Variants in IL17RA observed in about 807,000 individuals in gnomAD.
IL17RA encodes the protein interleukin-17 receptor A.
IL17RA carries 34 observed loss-of-function variants against 50.4 expected under a neutral mutation model. That is an observed-to-expected ratio of 0.67 (90% CI 0.51 to 0.90). The LOEUF (loss-of-function observed/expected upper bound fraction) is 0.90. Ranked by LOEUF, IL17RA falls within the 40% of genes least tolerant of loss-of-function variation. IL17RA has a pLI of 0.00. For synonymous variants in IL17RA, 585 were observed against 510.4 expected (o/e 1.15, Z -1.97); for missense variants, 1,276 against 1,169.8 (o/e 1.09, Z -1.32).
chr22:17,103,684 G>A (rs1198267476), intron 8 of IL17RA, 107 bp downstream of exon 8: 1 of 890,686 alleles, frequency 1.1e-6, no homozygotes, highest in African/African-American at 1.7e-5. Context: ...GGACGGGAGT[G>A]GGGAGTGTGC....
rs1273082263 is a variant in IL17RA, at chr22:17,110,736, A to G, written c.*916A>G. 5 of 152,282 alleles carry G rather than the reference A, an allele frequency of 3.3e-5. No homozygotes were observed. The highest frequency in any genetic ancestry group is 1.2e-4 in the African/African-American group (5 of 41,412). The allele number at this position is 152,282 out of a possible 1,614,324, so 9.4% of individuals were successfully genotyped here. A position where few individuals can be genotyped will look rare whatever the true frequency, so the allele number is the denominator to read the frequency against. The stretch of plus-strand genomic sequence containing the variant: ...CAGCTACTCGGGAGGCTGATGCCAG[A>G]TGATCACTTGAGCCCAGGAGGTAGA... On this transcript the variant is annotated 3_prime_UTR_variant, in exon 13 of 13. Transcript: ENST00000319363.
At chr22:17,106,717 G>A (rs186616412) in intron 11 of IL17RA, among the ~76,000 whole-genome samples, 1 of 152,240 alleles carries the variant, frequency 6.6e-6, no homozygotes, top group East Asian at 1.9e-4. Flanking sequence ...TCAGGATTAG[G>A]TGTTAATCAT....
intron 1 of IL17RA, among the ~76,000 whole-genome samples, chr22:17,089,003 C>T (rs1407071361): frequency 6.6e-6 from 1 of 152,040 alleles, no homozygotes; most frequent in Admixed American, 6.6e-5. Flanking sequence ...ACCATGTTGG[C>T]CAGGCTGGTC....
chr22:17,100,212 A>C, intron 4 of IL17RA, 143 bp from the exon 5 acceptor site: 1 of 937,710 alleles, frequency 1.1e-6, no homozygotes. Flanking sequence ...GATTTCCCTG[A>C]CCTTGGATTT....
intron 4 of IL17RA, 49 bp from the exon 5 acceptor site, chr22:17,100,306 A>G (rs1322849223): frequency 6.2e-7 from 1 of 1,612,924 alleles, no homozygotes; most frequent in Non-Finnish European, 8.5e-7. Flanking sequence ...TAGATGGGTG[A>G]CAGAGGTGTG....
At chr22:17,092,039 G>C (rs566399931) in intron 1 of IL17RA, among the ~76,000 whole-genome samples, 1 of 152,188 alleles carries the variant, frequency 6.6e-6, no homozygotes, top group African/African-American at 2.4e-5. Flanking sequence ...GTTAGGATTA[G>C]AGGGCTGGGA....
At position 17,102,022 on chromosome 22, in the gene IL17RA, A is replaced by T. The variant is rs2061393282; in HGVS notation, c.577A>T (p.Thr193Ser). Residue 193 changes from threonine to serine, a missense_variant, in exon 6 of 13, where the codon ACC becomes TCC. By Grantham distance (58) the Thr-to-Ser change is moderately conservative. Transcript: ENST00000319363. ...CTGTGAGCACGCCAGGATGAAGGTAACCACGCCATGCATGAGCTCAGGTAA... is the reference window on the plus strand; with the variant it reads ...CTGTGAGCACGCCAGGATGAAGGTATCCACGCCATGCATGAGCTCAGGTAA... ...PDCEHARMKV[T>S]TPCMSSGSLW... The T allele has an allele frequency of 6.2e-7, 1 of 1,614,200 alleles. No individual in the cohort carries two copies. The highest frequency in any genetic ancestry group is 8.5e-7 in the Non-Finnish European group (1 of 1,180,028).
At position 17,101,602 on chromosome 22, in the gene IL17RA, C is replaced by T. The variant is rs1161949548; in HGVS notation, c.551-394C>T. The stretch of plus-strand genomic sequence containing the variant: ...GAGTGAATCTCCTCAGTTCTCGCTT[C>T]TGTTCCTAAAGTTGACTGACTCAGT... On this transcript the variant is annotated intron_variant, in intron 5 of 12. Transcript: ENST00000319363. 2.6e-5 allele frequency among the ~76,000 whole-genome samples: 4 copies of T among 152,350 alleles called. No homozygotes were observed. The South Asian group carries it at 6.2e-4, about 24-fold the overall frequency.
In IL17RA at chr22:17,109,371, T is replaced by G. The variant is rs376591791; in HGVS notation, c.2152T>G (p.Phe718Val). 5.1e-5 allele frequency: 82 copies of G among 1,610,660 alleles called. No individual in the cohort carries two copies. The highest frequency in any genetic ancestry group is 1.7e-4 in the Middle Eastern group (1 of 6,028). Residue 718 changes from phenylalanine to valine, a missense_variant, in exon 13 of 13, where the codon TTC (phenylalanine) becomes GTC (valine). Phe to Val is a conservative substitution (Grantham distance 50). Transcript: ENST00000319363. ...SPGAGRNSVLFLPVDPEDSPL... is the reference protein window; with the variant it reads ...SPGAGRNSVLVLPVDPEDSPL... ...GGGCGCTGGGCGAAATAGCGTCCTC[T>G]TCCTCCCCGTGGACCCCGAGGACTC... is the stretch of plus-strand genomic sequence containing the variant.
chr22:17,108,842 G>C lies in IL17RA; in HGVS notation c.1623G>C (p.Met541Ile). Residue 541 changes from methionine (M) to isoleucine (I), a missense_variant, in exon 13 of 13, where the codon ATG becomes ATC. Physicochemically the swap from Met to Ile is conservative, Grantham distance 10. Transcript: ENST00000319363. ...ACTTCCGCATCCAGGACCTGGAGAT[G>C]TTCCAGCCGGGCCGCATGCACCGCG... is the stretch of plus-strand genomic sequence containing the variant. ...EVYFRIQDLE[M>I]FQPGRMHRVG... 1 of 1,607,834 alleles carries C rather than the reference G, an allele frequency of 6.2e-7. No homozygotes were observed. Among genetic ancestry groups the C allele is most frequent in the Middle Eastern group, 1.7e-4 (1 of 6,046 alleles).
In IL17RA at chr22:17,102,433, G is replaced by A; in HGVS notation, c.762+131G>A. ...GACTCAGGGCTGTGCTTAGTCCATA[G>A]TGATCATGGCGCCTTGCCCTTTTTC... On this transcript the variant is annotated intron_variant, in intron 7 of 12. Coordinates refer to ENST00000319363, the MANE Select transcript of IL17RA (RefSeq NM_014339.7). The A allele has an allele frequency of 3.0e-6, 3 of 986,676 alleles. No individual in the cohort carries two copies. In the South Asian group the frequency reaches 3.9e-5, roughly 13 times the overall value. 61.1% of individuals were successfully genotyped at this position (986,676 alleles called of 1,614,324 possible). A position where few individuals can be genotyped will look rare whatever the true frequency, so the allele number is the denominator to read the frequency against.
chr22:17,109,307 G>C lies in IL17RA; in HGVS notation c.2088G>C (p.Leu696=), dbSNP rs1210398571. The part of the protein sequence containing the change: ...LADGAAVRLA[L]AGEGEACPLL... The stretch of plus-strand genomic sequence containing the variant: ...ACGGTGCCGCAGTCCGGCTGGCACT[G>C]GCGGGGGAGGGCGAGGCCTGCCCGC... Residue 696 remains leucine, a synonymous_variant, in exon 13 of 13, where the codon CTG becomes CTC. Coordinates refer to ENST00000319363, the MANE Select transcript of IL17RA (RefSeq NM_014339.7). 2 of 1,526,916 alleles carry C rather than the reference G, an allele frequency of 1.3e-6. No individual in the cohort carries two copies. The highest frequency in any genetic ancestry group is 2.7e-5 in the African/African-American group (2 of 73,088). The allele number at this position is 1,526,916 out of a possible 1,614,324, so 94.6% of individuals were successfully genotyped here.
chr22:17,100,294 C>T (rs1228820695), intron 4 of IL17RA, 61 bp from the exon 5 acceptor site: 2 of 1,607,192 alleles, frequency 1.2e-6, no homozygotes, highest in Non-Finnish European at 1.7e-6. Context: ...GGTCTTTGGG[C>T]ATAGATGGGT....
chr22:17,091,930 C>T (rs1164442337), intron 1 of IL17RA, among the ~76,000 whole-genome samples: 4 of 152,088 alleles, frequency 2.6e-5, no homozygotes, highest in Admixed American at 2.6e-4. Flanking sequence ...TCCTAAAATC[C>T]TTAGAATCTC....
In IL17RA at chr22:17,109,542, C is replaced by T. The variant is rs1219003949; in HGVS notation, c.2323C>T (p.Leu775Phe). The stretch of plus-strand genomic sequence containing the variant: ...GGGCTGCAGTAGACCCGCCATGGTC[C>T]TCACAGACCCACACACGCCCTACGA... ...QGGCSRPAMV[L>F]TDPHTPYEEE... The change falls in exon 13 of 13, where the codon CTC becomes TTC. Residue 775 changes from leucine to phenylalanine, a missense_variant. By Grantham distance (22) the Leu-to-Phe change is conservative. Coordinates refer to ENST00000319363, the MANE Select transcript of IL17RA (RefSeq NM_014339.7). 6 of 1,599,680 alleles carry T rather than the reference C, an allele frequency of 3.8e-6. No homozygotes were observed. Among genetic ancestry groups the T allele is most frequent in the Non-Finnish European group, 5.1e-6 (6 of 1,173,270 alleles).
Position 17,109,751 on chromosome 22 carries a change from T to C in IL17RA, c.2532T>C (p.Leu844=). 6.4e-7 allele frequency: 1 copy of C among 1,559,128 alleles called. No individual in the cohort carries two copies. The highest frequency in any genetic ancestry group is 8.7e-7 in the Non-Finnish European group (1 of 1,151,930). Residue 844 remains leucine (L), a synonymous_variant, in exon 13 of 13, where the codon CTT becomes CTC. Coordinates refer to ENST00000319363, the MANE Select transcript of IL17RA (RefSeq NM_014339.7). The part of the protein sequence containing the change: ...ESLRSLQRQL[L]FRQLQKNSGW... The stretch of plus-strand genomic sequence containing the variant: ...TGAGGAGCCTCCAGCGGCAGCTGCT[T>C]TTCCGCCAGCTGCAGAAGAACTCGG...
In IL17RA at chr22:17,100,402, T is replaced by C. The variant is rs779786812; in HGVS notation, c.471T>C (p.Tyr157=). 6.2e-7 allele frequency: 1 copy of C among 1,614,080 alleles called. No homozygotes were observed. The highest frequency in any genetic ancestry group is 8.5e-7 in the Non-Finnish European group (1 of 1,179,980). ...TTGTGGTTGACCCTGACCAGGAATA[T>C]GAGGTGACCGTTCACCACCTGCCCA... ...SHFVVDPDQE[Y]EVTVHHLPKP... Residue 157 remains tyrosine (Y), a synonymous_variant, in exon 5 of 13, where the codon TAT becomes TAC. Coordinates refer to ENST00000319363, the MANE Select transcript of IL17RA (RefSeq NM_014339.7).
Position 17,108,471 on chromosome 22 carries a change from C to G in IL17RA, c.1252C>G (p.Gln418Glu). Residue 418 changes from glutamine (Q) to glutamate (E), a missense_variant, in exon 13 of 13, where the codon CAG becomes GAG. Gln to Glu is a conservative substitution (Grantham distance 29). Transcript: ENST00000319363. ...AGTGGCCCTGGACCTGCTGGAAGAGCAGGCCATCTCGGAGGCAGGAGTCAT... is the reference window on the plus strand; with the variant it reads ...AGTGGCCCTGGACCTGCTGGAAGAGGAGGCCATCTCGGAGGCAGGAGTCAT... The part of the protein sequence containing the change: ...TEVALDLLEE[Q>E]AISEAGVMTW... 1 of 1,613,664 alleles carries G rather than the reference C, an allele frequency of 6.2e-7. No homozygotes were observed.
intron 5 of IL17RA, among the ~76,000 whole-genome samples, chr22:17,100,953 C>T (rs2061388979): frequency 6.6e-6 from 1 of 152,200 alleles, no homozygotes; most frequent in African/African-American, 2.4e-5. Context: ...TCCACACTGC[C>T]TGTGATTACC....
Sources: gnomAD v4.1 joint callset for allele counts (sites outside exome capture counted in the v4.1 genomes callset) on GRCh38, gnomAD v4.1.1 for gene constraint, MANE v1.5 for transcripts, NCBI Gene and HGNC (gene_info 2026-07-23, HGNC 2026-07-21) for gene names.